NCOR1: variants seen among roughly 807,000 people sequenced by gnomAD.
NCOR1 encodes nuclear receptor corepressor 1.
In NCOR1, 63 loss-of-function variants were observed where a neutral mutation model predicts 288.1. That is an observed-to-expected ratio of 0.22 (90% CI 0.18 to 0.27). The LOEUF (loss-of-function observed/expected upper bound fraction) is 0.27. NCOR1 is among the 10% of genes least tolerant of loss of function. The probability of loss-of-function intolerance (pLI) is 1.00; values close to 1 mark genes in which losing one functional copy is unlikely to be tolerated. For missense variants in NCOR1, 2,397 were observed against 3,019.2 expected (o/e 0.79, Z 4.83); for synonymous variants, 1,007 against 1,065.9 (o/e 0.94, Z 1.08).
intron 30 of NCOR1, among the ~76,000 whole-genome samples, chr17:16,071,193 G>A (rs551772086): frequency 2.0e-5 from 3 of 151,842 alleles, no homozygotes; most frequent in Non-Finnish European, 4.4e-5. Context: ...TGGGAGGATC[G>A]CTTGAGCCCA....
At chr17:16,198,399 T>G (rs2090239504) in intron 1 of NCOR1, 1 of 143,348 alleles carries the variant, frequency 7.0e-6, no homozygotes, top group South Asian at 2.3e-4. Flanking sequence ...ATTATTCTCA[T>G]CAATTTATGG....
intron 45 of NCOR1, 37 bp from the exon 46 acceptor site, chr17:16,032,520 C>T (rs2151764022): frequency 6.5e-7 from 1 of 1,531,638 alleles, no homozygotes; most frequent in South Asian, 1.3e-5. Flanking sequence ...TTGTCATGAA[C>T]ATAACTGGTA....
intron 27 of NCOR1, 71 bp downstream of exon 27, chr17:16,075,463 C>G: frequency 6.6e-7 from 1 of 1,516,118 alleles, no homozygotes; most frequent in Non-Finnish European, 9.0e-7. Context: ...AGCAGAAATG[C>G]GGGAAAACCC....
chr17:16,169,555 T>C (rs1217804675), intron 4 of NCOR1, among the ~76,000 whole-genome samples: 1 of 152,154 alleles, frequency 6.6e-6, no homozygotes, highest in African/African-American at 2.4e-5. Context: ...TATTAGTTAG[T>C]AGAAGTAGTC....
chr17:16,072,346 T>A, intron 28 of NCOR1, 118 bp from the exon 29 acceptor site: 3 of 668,588 alleles, frequency 4.5e-6, no homozygotes, highest in Non-Finnish European at 7.2e-6. Context: ...GGAAGGAATG[T>A]CAATTTAAGT....
chr17:16,151,925 C>A, intron 8 of NCOR1, 21 bp downstream of exon 8: 1 of 1,574,456 alleles, frequency 6.4e-7, no homozygotes, highest in South Asian at 1.1e-5. Context: ...TTGAAGAACT[C>A]CAAAGATGAT....
chr17:16,033,846 C>T (rs1329989521), intron 45 of NCOR1, among the ~76,000 whole-genome samples: 1 of 151,776 alleles, frequency 6.6e-6, no homozygotes, highest in African/African-American at 2.4e-5. Context: ...CTTTTTGTTG[C>T]CCAGGCTGGA....
chr17:16,162,482 CT>C (rs760751475), intron 5 of NCOR1, among the ~76,000 whole-genome samples: 2 of 150,710 alleles, frequency 1.3e-5, no homozygotes, highest in African/African-American at 2.4e-5. Flanking sequence ...AAAAAAACAC[CT>C]AAATGTATCA....
intron 2 of NCOR1, among the ~76,000 whole-genome samples, chr17:16,190,480 GC>G (rs999424966): frequency 2.0e-5 from 3 of 150,734 alleles, no homozygotes; most frequent in Non-Finnish European, 2.9e-5. Flanking sequence ...AACTACAGGC[GC>G]CCAACACCAC....
chr17:16,071,419 G>A lies in NCOR1; in HGVS notation c.4142C>T (p.Ser1381Phe). 6.2e-7 allele frequency: 1 copy of A among 1,608,674 alleles called. No homozygotes were observed. The highest frequency in any genetic ancestry group is 8.5e-7 in the Non-Finnish European group (1 of 1,177,152). ...CCAAAACTTAGTTACCTGGGAAATG[G>A]AACCCTCAATTATCGGCCGTGTGCT... Reference protein sequence around the residue: ...VQSTRPIIEGSISQGTPIKFD... With the variant: ...VQSTRPIIEGFISQGTPIKFD... The change falls in exon 30 of 46, where the codon TCC (serine) becomes TTC (phenylalanine). Residue 1381 changes from serine to phenylalanine, a missense_variant. By Grantham distance (155) the Ser-to-Phe change is radical. Coordinates refer to ENST00000268712, the MANE Select transcript of NCOR1 (RefSeq NM_006311.4).
At chr17:16,180,574 C>A (rs1011320955) in intron 3 of NCOR1, among the ~76,000 whole-genome samples, 1 of 151,100 alleles carries the variant, frequency 6.6e-6, no homozygotes, top group Non-Finnish European at 1.5e-5. Context: ...ATAGTGAGAC[C>A]CTATCTCTAC....
Position 16,119,415 on chromosome 17 carries a change from C to A in NCOR1, c.1915+8G>T, listed in dbSNP as rs374225357. ...AAAACCTGAGAAACCAGAACTACTA[C>A]AATTTACCTTTTTTAGCAACTTCCA... On this transcript the variant is annotated splice_region_variant and intron_variant, in intron 17 of 45. Transcript: ENST00000268712. 8 of 1,601,892 alleles carry A rather than the reference C, an allele frequency of 5.0e-6. No individual in the cohort carries two copies. Among genetic ancestry groups the A allele is most frequent in the South Asian group, 3.3e-5 (3 of 90,106 alleles).
chr17:16,061,457 G>A lies in NCOR1; in HGVS notation c.5825C>T (p.Ala1942Val), dbSNP rs144352682. Residue 1942 changes from alanine to valine, a missense_variant, in exon 37 of 46, where the codon GCC (alanine) becomes GTC (valine). By Grantham distance (64) the Ala-to-Val change is moderately conservative. Transcript: ENST00000268712. ...ACGTTCCCTCGCATCCTTGTCCGAG[G>A]CAATTTGCCGGGTGATGATCACGTC... ...FIDVIITRQIASDKDARERGS... is the reference protein window; with the variant it reads ...FIDVIITRQIVSDKDARERGS... The A allele has an allele frequency of 1.2e-6, 2 of 1,614,088 alleles. No homozygotes were observed. Among genetic ancestry groups the A allele is most frequent in the Non-Finnish European group, 1.7e-6 (2 of 1,180,052 alleles).
At chr17:16,101,946 G>T in intron 19 of NCOR1, 189 bp from the exon 20 acceptor site, 1 of 713,906 alleles carries the variant, frequency 1.4e-6, no homozygotes, top group Non-Finnish European at 2.3e-6. Flanking sequence ...CATTGAGAAG[G>T]CTAAAGTTTC....
intron 45 of NCOR1, among the ~76,000 whole-genome samples, chr17:16,034,441 A>C (rs1973588838): frequency 6.6e-6 from 1 of 152,004 alleles, no homozygotes; most frequent in Non-Finnish European, 1.5e-5. Flanking sequence ...ATAAAAATTA[A>C]AATGAAAATG....
rs776310557 is a variant in NCOR1 at position 16,057,694 on chromosome 17, T to G, written c.6212A>C (p.Gln2071Pro). The change falls in exon 40 of 46, where the codon CAG becomes CCG. Residue 2071 changes from glutamine to proline, a missense_variant. Around this residue, in one of 11 missense-constraint regions of NCOR1, gnomAD observed 1,872 missense variants for 2,187.8 expected, o/e 0.86. Transcript: ENST00000268712. ...QDFARNQVSS[Q>P]TPQQPPTSTF... The stretch of plus-strand genomic sequence containing the variant: ...AGAAGTAGGAGGCTGCTGGGGAGTC[T>G]GCGAGGAAACTTGATTTCTAGCAAA... 1.9e-6 allele frequency: 3 copies of G among 1,613,926 alleles called. No individual in the cohort carries two copies. Among genetic ancestry groups the G allele is most frequent in the South Asian group, 2.2e-5 (2 of 91,078 alleles).
chr17:16,148,382 G>A (rs1030262100), intron 9 of NCOR1, among the ~76,000 whole-genome samples: 4 of 152,036 alleles, frequency 2.6e-5, no homozygotes, highest in South Asian at 2.1e-4. Context: ...CCATGACCAC[G>A]GTGTGATCCA....
intron 3 of NCOR1, among the ~76,000 whole-genome samples, chr17:16,181,568 T>C (rs2085495079): frequency 6.6e-6 from 1 of 152,168 alleles, no homozygotes; most frequent in African/African-American, 2.4e-5. Context: ...AATTGTATTA[T>C]ATTAGGGATT....
At chr17:16,085,267 C>T (rs942890879) in intron 23 of NCOR1, among the ~76,000 whole-genome samples, 2 of 152,198 alleles carry the variant, frequency 1.3e-5, no homozygotes, top group Non-Finnish European at 2.9e-5. Flanking sequence ...CAAGACTTGA[C>T]AACAGCAAAT....
Sources: gnomAD v4.1 joint callset for allele counts (sites outside exome capture counted in the v4.1 genomes callset) on GRCh38, gnomAD v4.1.1 for gene constraint, gnomAD v4.1.1 regional missense constraint, MANE v1.5 for transcripts, NCBI Gene and HGNC (gene_info 2026-07-23, HGNC 2026-07-21) for gene names.